Variants in XYLT1 observed in about 807,000 individuals in gnomAD.
XYLT1 encodes beta-D-xylosyltransferase 1.
XYLT1 carries 36 observed loss-of-function variants against 91.3 expected under a neutral mutation model. That is an observed-to-expected ratio of 0.39 (90% CI 0.30 to 0.52). The LOEUF is 0.52. XYLT1 is among the 20% of genes least tolerant of loss of function. The pLI is 0.68. For missense variants in XYLT1, 1,242 were observed against 1,284.5 expected (o/e 0.97, Z 0.51); for synonymous variants, 588 against 532.0 (o/e 1.11, Z -1.45).
At chr16:17,229,739 T>C (rs897718941) in intron 3 of XYLT1, among the ~76,000 whole-genome samples, 1 of 152,214 alleles carries the variant, frequency 6.6e-6, no homozygotes, top group Admixed American at 6.5e-5. Flanking sequence ...AATTTTAAAA[T>C]GGTTACAAAT....
At chr16:17,382,570 C>A in intron 1 of XYLT1, among the ~76,000 whole-genome samples, 1 of 151,924 alleles carries the variant, frequency 6.6e-6, no homozygotes. Flanking sequence ...CAAAGGTTGG[C>A]ATCTCAGGAC....
At chr16:17,184,337 A>G (rs12935114) in intron 5 of XYLT1, among the ~76,000 whole-genome samples, 15,402 of 152,060 alleles carry the variant, frequency 0.1, 1,074 homozygotes, top group Non-Finnish European at 0.16. Context: ...AGGGATTCGG[A>G]AGAAAATACA....
At chr16:17,345,036 C>A (rs2141850450) in intron 2 of XYLT1, among the ~76,000 whole-genome samples, 1 of 152,300 alleles carries the variant, frequency 6.6e-6, no homozygotes, top group Non-Finnish European at 1.5e-5. Context: ...CTGGCCATGT[C>A]TGAACATACC....
intron 5 of XYLT1, among the ~76,000 whole-genome samples, chr16:17,177,238 A>C (rs2031966413): frequency 6.6e-6 from 1 of 152,062 alleles, no homozygotes. Context: ...CCTGCTGCCC[A>C]TCTCCTTCTT....
intron 5 of XYLT1, among the ~76,000 whole-genome samples, chr16:17,184,680 G>A (rs779233013): frequency 5.3e-5 from 8 of 152,120 alleles, no homozygotes; most frequent in Non-Finnish European, 1.0e-4. Context: ...CATCACCCCC[G>A]AAAGTTCCAC....
At chr16:17,330,104 T>TACACACACACACACACACACACACAC (rs35148093) in intron 2 of XYLT1, among the ~76,000 whole-genome samples, 7 of 144,582 alleles carry the variant, frequency 4.8e-5, no homozygotes, top group African/African-American at 1.3e-4. Context: ...TGGAGGTAGA[T>TACACACACACACACACACACACACAC]ACACACACAC....
intron 2 of XYLT1, among the ~76,000 whole-genome samples, chr16:17,278,098 T>G (rs1403568046): frequency 6.6e-6 from 1 of 152,210 alleles, no homozygotes; most frequent in Non-Finnish European, 1.5e-5. Flanking sequence ...GACAGTTTGC[T>G]ACTGGAGAAG....
At chr16:17,351,804 T>C (rs2035224780) in intron 2 of XYLT1, among the ~76,000 whole-genome samples, 1 of 151,496 alleles carries the variant, frequency 6.6e-6, no homozygotes, top group Non-Finnish European at 1.5e-5. Flanking sequence ...CCCTGATCTC[T>C]ACCCACTAGA....
intron 1 of XYLT1, among the ~76,000 whole-genome samples, chr16:17,446,888 G>A (rs1289144607): frequency 6.8e-6 from 1 of 147,750 alleles, no homozygotes; most frequent in Non-Finnish European, 1.5e-5. Flanking sequence ...CAAGTGCGGG[G>A]GACTGCAGCC....
intron 1 of XYLT1, among the ~76,000 whole-genome samples, chr16:17,423,240 C>T (rs1312562517): frequency 6.6e-6 from 1 of 152,162 alleles, no homozygotes; most frequent in East Asian, 1.9e-4. Flanking sequence ...TGGGGCCGCC[C>T]TTCTCGGCAG....
At chr16:17,131,790 G>A (rs1318455429) in intron 9 of XYLT1, among the ~76,000 whole-genome samples, 1 of 152,210 alleles carries the variant, frequency 6.6e-6, no homozygotes, top group Non-Finnish European at 1.5e-5. Context: ...AAATGAGACT[G>A]TTAAAGTTTT....
intron 6 of XYLT1, among the ~76,000 whole-genome samples, chr16:17,156,532 A>C (rs1022636249): frequency 6.6e-6 from 1 of 152,234 alleles, no homozygotes. Context: ...GGGCCAGAAA[A>C]ACTTGGGTTC....
intron 2 of XYLT1, among the ~76,000 whole-genome samples, chr16:17,268,317 A>T (rs1324878156): frequency 6.6e-6 from 1 of 152,216 alleles, no homozygotes; most frequent in Non-Finnish European, 1.5e-5. Flanking sequence ...TTATATACAC[A>T]AGTAATAGGT....
intron 3 of XYLT1, among the ~76,000 whole-genome samples, chr16:17,245,691 G>A (rs1212931054): frequency 1.3e-5 from 2 of 152,158 alleles, no homozygotes; most frequent in African/African-American, 4.8e-5. Flanking sequence ...CAGAATGACT[G>A]ACATGGTGTT....
chr16:17,381,421 CTTTTTTTTTTTTT>C (rs11299875), intron 1 of XYLT1, among the ~76,000 whole-genome samples: 3 of 130,122 alleles, frequency 2.3e-5, no homozygotes, highest in African/African-American at 3.3e-5. Flanking sequence ...AAGGCAACAC[CTTTTTTTTTTTTT>C]TTTTTTTTGA....
chr16:17,173,427 C>G (rs1053679665), intron 5 of XYLT1, among the ~76,000 whole-genome samples: 1 of 152,248 alleles, frequency 6.6e-6, no homozygotes, highest in African/African-American at 2.4e-5. Flanking sequence ...TAGCTTCCCT[C>G]TATGCATTAA....
At chr16:17,327,320 T>C (rs1338593283) in intron 2 of XYLT1, among the ~76,000 whole-genome samples, 4 of 151,810 alleles carry the variant, frequency 2.6e-5, no homozygotes, top group African/African-American at 9.7e-5. Flanking sequence ...TCGGGTTGAA[T>C]GATTAAAAAC....
intron 11 of XYLT1, among the ~76,000 whole-genome samples, chr16:17,116,625 C>T (rs1567278711): frequency 6.6e-6 from 1 of 152,180 alleles, no homozygotes; most frequent in Non-Finnish European, 1.5e-5. Context: ...GAATAATTCT[C>T]ATGTGAGCAT....
chr16:17,282,290 G>A (rs1181466021), intron 2 of XYLT1, among the ~76,000 whole-genome samples: 1 of 152,172 alleles, frequency 6.6e-6, no homozygotes, highest in African/African-American at 2.4e-5. Context: ...CCCCTGGCCA[G>A]TAAGTAGCCA....
Sources: gnomAD v4.1 joint callset for allele counts (sites outside exome capture counted in the v4.1 genomes callset) on GRCh38, gnomAD v4.1.1 for gene constraint, MANE v1.5 for transcripts, NCBI Gene and HGNC (gene_info 2026-07-23, HGNC 2026-07-21) for gene names.